The following SCAPER variants were observed in gnomAD, a reference collection of about 807,000 sequenced individuals.
SCAPER encodes the protein S phase cyclin A-associated protein in the endoplasmic reticulum.
Under a neutral mutation model 182.2 loss-of-function variants are expected in SCAPER, and 98 were observed. That is an observed-to-expected ratio of 0.54 (90% CI 0.46 to 0.64). The LOEUF (loss-of-function observed/expected upper bound fraction) is 0.64, where lower values mean the gene tolerates loss of function less well. Among genes scored for constraint, SCAPER ranks in the 30% least tolerant of loss-of-function variants. The pLI, the probability that SCAPER is intolerant of heterozygous loss-of-function variation, is 0.00. For synonymous variants in SCAPER, 605 were observed against 564.6 expected, an observed-to-expected ratio of 1.07 and a Z score of -1.01; for missense variants, 1,432 against 1,690.0, an observed-to-expected ratio of 0.85 and a Z score of 2.68.
At chr15:76,809,263 G>A (rs913242431) in intron 5 of SCAPER, among the ~76,000 whole-genome samples, 5 of 152,074 alleles carry the variant, frequency 3.3e-5, no homozygotes, top group African/African-American at 7.2e-5. Context: ...AAATAAAAGA[G>A]CAAGATAAAC....
intron 20 of SCAPER, among the ~76,000 whole-genome samples, chr15:76,676,882 T>C (rs2057400026): frequency 6.6e-6 from 1 of 150,780 alleles, no homozygotes; most frequent in East Asian, 1.9e-4. Flanking sequence ...TAAATATATA[T>C]TAATATGTAC....
Position 76,574,226 on chromosome 15 carries a change from A to G in SCAPER, c.2770T>C (p.Trp924Arg), listed in dbSNP as rs2047657823. 1.2e-6 allele frequency: 2 copies of G among 1,611,854 alleles called. No individual in the cohort carries two copies. The highest frequency in any genetic ancestry group is 1.7e-6 in the Non-Finnish European group (2 of 1,178,984). Residue 924 changes from tryptophan to arginine, a missense_variant, in exon 23 of 32, where the codon TGG (tryptophan) becomes CGG (arginine). Trp to Arg is a moderately radical substitution (Grantham distance 101, BLOSUM62 -3). Coordinates refer to ENST00000563290, the MANE Select transcript of SCAPER (RefSeq NM_020843.4). ...AAAGCAGACACTTTATTGTTTGCCC[A>G]TGAGCCACTGTCTTGAACTTGTACT... ...KQVQVQDSGS[W>R]ANNKVSALDR...
At chr15:76,556,141 A>C (rs1339749263) in intron 23 of SCAPER, among the ~76,000 whole-genome samples, 4 of 152,188 alleles carry the variant, frequency 2.6e-5, no homozygotes, top group Non-Finnish European at 4.4e-5. Context: ...ATATAATCAC[A>C]AGGAAATGAA....
chr15:76,531,035 A>C, intron 23 of SCAPER, among the ~76,000 whole-genome samples: 1 of 152,068 alleles, frequency 6.6e-6, no homozygotes. Flanking sequence ...ATTAAAAATA[A>C]GTTAAAAAAC....
chr15:76,576,032 T>C (rs765313594), intron 22 of SCAPER, among the ~76,000 whole-genome samples: 6 of 152,212 alleles, frequency 3.9e-5, no homozygotes, highest in Admixed American at 6.5e-5. Flanking sequence ...AATAAATTCA[T>C]GTCCTACAGA....
rs543443189 is a variant in SCAPER, at chr15:76,608,493, G to A, written c.2711+13271C>T. Among the ~76,000 whole-genome samples, 40 of 152,274 alleles carry A rather than the reference G, an allele frequency of 2.6e-4. 1 individual carries two copies. The South Asian group carries it at 3.9e-3, about 15-fold the overall frequency. On this transcript the variant is annotated intron_variant, in intron 22 of 31. Coordinates refer to ENST00000563290, the MANE Select transcript of SCAPER (RefSeq NM_020843.4). ...ACCCACTTGAGGAGGCAGTCTGCCC[G>A]TTCTCAGATCTCAAGTTGCGTGCTG...
chr15:76,680,596 GCCTTATGATTAGATAAAGGC>G (rs2057646803), intron 20 of SCAPER, among the ~76,000 whole-genome samples: 1 of 152,088 alleles, frequency 6.6e-6, no homozygotes, highest in African/African-American at 2.4e-5. Flanking sequence ...GGGGGTGGAT[GCCTTATGATTAGATAAAGGC>G]CCTTCCTTGG....
chr15:76,890,981 C>G (rs894127833), intron 1 of SCAPER, among the ~76,000 whole-genome samples: 1 of 152,160 alleles, frequency 6.6e-6, no homozygotes, highest in African/African-American at 2.4e-5. Context: ...ACAATCAAGT[C>G]GGCTTCATCC....
chr15:76,523,751 A>G (rs749360648), intron 23 of SCAPER, among the ~76,000 whole-genome samples: 1 of 152,136 alleles, frequency 6.6e-6, no homozygotes, highest in Non-Finnish European at 1.5e-5. Flanking sequence ...CATACTTTAT[A>G]TATGAAAAAT....
intron 26 of SCAPER, among the ~76,000 whole-genome samples, chr15:76,409,294 C>T (rs972783974): frequency 5.9e-5 from 9 of 152,118 alleles, no homozygotes; most frequent in Non-Finnish European, 1.2e-4. Context: ...GAGGCTATTA[C>T]CACACCCAGG....
intron 27 of SCAPER, among the ~76,000 whole-genome samples, chr15:76,389,615 C>T (rs2043532005): frequency 6.7e-6 from 1 of 150,204 alleles, no homozygotes; most frequent in Admixed American, 6.6e-5. Flanking sequence ...TGATCGAGAC[C>T]ATCCTGGCTA....
intron 21 of SCAPER, among the ~76,000 whole-genome samples, chr15:76,624,725 C>G (rs910562830): frequency 1.3e-3 from 193 of 152,316 alleles, no homozygotes; most frequent in Non-Finnish European, 2.2e-3. Flanking sequence ...GTAGTGGCAG[C>G]AGTGGGCCAA....
At chr15:76,868,907 A>G (rs1013422653) in intron 2 of SCAPER, among the ~76,000 whole-genome samples, 1 of 152,212 alleles carries the variant, frequency 6.6e-6, no homozygotes, top group African/African-American at 2.4e-5. Context: ...GTACTGGCAT[A>G]AAAACAAACA....
At chr15:76,677,629 G>T (rs1182258348) in intron 20 of SCAPER, among the ~76,000 whole-genome samples, 1 of 151,316 alleles carries the variant, frequency 6.6e-6, no homozygotes, top group Non-Finnish European at 1.5e-5. Flanking sequence ...CACTGCTATA[G>T]TTTAAAATAA....
chr15:76,839,700 A>C (rs2069279926), intron 5 of SCAPER, among the ~76,000 whole-genome samples: 2 of 152,202 alleles, frequency 1.3e-5, no homozygotes, highest in South Asian at 2.1e-4. Flanking sequence ...CTTACACACA[A>C]AAAAATCTAT....
chr15:76,697,381 C>T lies in SCAPER; in HGVS notation c.2508+4377G>A, dbSNP rs560409166. On this transcript the variant is annotated intron_variant, in intron 20 of 31. Coordinates refer to ENST00000563290, the MANE Select transcript of SCAPER (RefSeq NM_020843.4). ...TTAATTCCTTCAAACTGAAACAGTA[C>T]ACAAAATGAACACACCAATCAAATC... 3.7e-4 allele frequency among the ~76,000 whole-genome samples: 57 copies of T among 152,222 alleles called. No individual in the cohort carries two copies. In the South Asian group the frequency reaches 0.011, roughly 30 times the overall value.
chr15:76,567,156 A>T, intron 23 of SCAPER: 1 of 280,380 alleles, frequency 3.6e-6, no homozygotes, highest in Non-Finnish European at 7.0e-6. Flanking sequence ...CAGTATATAT[A>T]TTTTTTGGTG....
intron 8 of SCAPER, among the ~76,000 whole-genome samples, chr15:76,780,286 G>A (rs998203945): frequency 6.6e-6 from 1 of 152,262 alleles, no homozygotes; most frequent in Non-Finnish European, 1.5e-5. Flanking sequence ...TAGCGCAGCA[G>A]TCTGAGATCC....
intron 14 of SCAPER, among the ~76,000 whole-genome samples, chr15:76,757,131 T>C (rs2062487061): frequency 6.6e-6 from 1 of 152,242 alleles, no homozygotes. Flanking sequence ...GGAATATCTT[T>C]GAATTCCAGG....
Sources: allele counts gnomAD v4.1 joint callset (sites outside exome capture counted in the v4.1 genomes callset), GRCh38; gene constraint gnomAD v4.1.1; transcripts MANE v1.5; gene names NCBI Gene and HGNC (gene_info 2026-07-23, HGNC 2026-07-21).